Variants in DPYS observed in about 807,000 individuals in gnomAD.
The protein encoded by DPYS is dihydropyrimidine amidohydrolase.
In DPYS, 39 loss-of-function variants were observed where a neutral mutation model predicts 50.3. The observed-to-expected ratio is 0.78, with a 90% confidence interval of 0.60 to 1.01. The LOEUF is 1.01. DPYS is among the 50% of genes least tolerant of loss of function. The pLI is 0.00. For synonymous variants in DPYS, 245 were observed against 250.7 expected (o/e 0.98, Z 0.22); for missense variants, 659 against 680.9 (o/e 0.97, Z 0.36).
intron 7 of DPYS, among the ~76,000 whole-genome samples, chr8:104,402,285 C>G (rs1811844060): frequency 6.6e-6 from 1 of 152,170 alleles, no homozygotes; most frequent in Non-Finnish European, 1.5e-5. Context: ...TGGATTTCCA[C>G]TTAGCATAAA....
At chr8:104,418,921 A>G in intron 7 of DPYS, 1 of 738,902 alleles carries the variant, frequency 1.4e-6, no homozygotes. Context: ...TATAAGCTTG[A>G]CCCTCAGCCT....
chr8:104,405,006 C>T (rs867268888), intron 7 of DPYS, among the ~76,000 whole-genome samples: 37 of 151,296 alleles, frequency 2.4e-4, no homozygotes, highest in African/African-American at 8.7e-4. Context: ...AGACCTAAAA[C>T]TTGGTGTGAG....
intron 4 of DPYS, among the ~76,000 whole-genome samples, chr8:104,434,033 G>A (rs1241392923): frequency 6.6e-6 from 1 of 152,158 alleles, no homozygotes; most frequent in Non-Finnish European, 1.5e-5. Context: ...TGCCCAAGGT[G>A]GTTGGGGCAC....
At chr8:104,414,933 C>T (rs540285064) in intron 7 of DPYS, among the ~76,000 whole-genome samples, 137 of 152,338 alleles carry the variant, frequency 9.0e-4, no homozygotes, top group African/African-American at 3.2e-3. Context: ...CTCTGGAATG[C>T]ATCTTTGTCA....
In DPYS at chr8:104,424,328, A is replaced by C. The variant is rs1244046163; in HGVS notation, c.1154T>G (p.Ile385Ser). Residue 385 changes from isoleucine (I) to serine (S), a missense_variant, in exon 7 of 10, where the codon ATT (isoleucine) becomes AGT (serine). Ile to Ser is a moderately radical substitution (Grantham distance 142, BLOSUM62 -2). Coordinates refer to ENST00000351513, the MANE Select transcript of DPYS (RefSeq NM_001385.3). ...VAVTSTNAAKIFNLYPRKGRI... is the reference protein window; with the variant it reads ...VAVTSTNAAKSFNLYPRKGRI... ...TCCTTTTCTTGGATAGAGATTAAAAATTTTGGCTGCATTTGTGCTGGTAAC... is the reference window on the plus strand; with the variant it reads ...TCCTTTTCTTGGATAGAGATTAAAACTTTTGGCTGCATTTGTGCTGGTAAC... 3 of 1,614,004 alleles carry C rather than the reference A, an allele frequency of 1.9e-6. No individual in the cohort carries two copies. In the African/African-American group the frequency reaches 4.0e-5, roughly 22 times the overall value.
At chr8:104,420,718 C>T (rs371748902) in intron 7 of DPYS, 3 of 120,868 alleles carry the variant, frequency 2.5e-5, no homozygotes, top group Admixed American at 7.8e-5. Flanking sequence ...AAAAAAAAAA[C>T]GATAAAACAA....
intron 6 of DPYS, among the ~76,000 whole-genome samples, chr8:104,427,231 A>G (rs1812759114): frequency 6.6e-6 from 1 of 151,102 alleles, no homozygotes; most frequent in Non-Finnish European, 1.5e-5. Context: ...AACTGACATC[A>G]ACAAAGATTT....
intron 2 of DPYS, among the ~76,000 whole-genome samples, chr8:104,449,560 C>A (rs1038465488): frequency 3.9e-5 from 6 of 152,176 alleles, no homozygotes; most frequent in African/African-American, 1.4e-4. Context: ...ATGTTGAAGT[C>A]CTAACCCCTT....
intron 1 of DPYS, among the ~76,000 whole-genome samples, chr8:104,457,280 C>T (rs1238373386): frequency 2.0e-5 from 3 of 152,148 alleles, no homozygotes; most frequent in Non-Finnish European, 4.4e-5. Flanking sequence ...GGGCAGGGAG[C>T]GTCTATAGCA....
chr8:104,425,795 C>T (rs934404853), intron 6 of DPYS, among the ~76,000 whole-genome samples: 3 of 151,952 alleles, frequency 2.0e-5, no homozygotes, highest in Non-Finnish European at 1.5e-5. Flanking sequence ...GGGGTTTATC[C>T]CTATTTATAT....
At chr8:104,381,159 AC>A in intron 9 of DPYS, 24 bp downstream of exon 9, 1 of 1,583,744 alleles carries the variant, frequency 6.3e-7, no homozygotes, top group Non-Finnish European at 8.7e-7. Context: ...ATGCAGGAAG[AC>A]TTTTCTTGCC....
chr8:104,403,233 G>A (rs541945931), intron 7 of DPYS, among the ~76,000 whole-genome samples: 9 of 152,230 alleles, frequency 5.9e-5, no homozygotes, highest in African/African-American at 1.9e-4. Context: ...GCTCCTGATC[G>A]GGTATTCCTG....
At chr8:104,385,910 T>C (rs1811199329) in intron 8 of DPYS, among the ~76,000 whole-genome samples, 1 of 152,190 alleles carries the variant, frequency 6.6e-6, no homozygotes, top group Non-Finnish European at 1.5e-5. Context: ...TGTCAGCCAA[T>C]AAATGTCTGT....
intron 7 of DPYS, among the ~76,000 whole-genome samples, chr8:104,407,070 T>C (rs1433139531): frequency 6.6e-6 from 1 of 152,270 alleles, no homozygotes; most frequent in East Asian, 1.9e-4. Context: ...AAGTATTCCA[T>C]TGGAGCTTCC....
chr8:104,447,203 C>T (rs76239895), intron 3 of DPYS, 121 bp downstream of exon 3: 39,606 of 1,304,110 alleles, frequency 0.03, 809 homozygotes, highest in Non-Finnish European at 0.032. Context: ...ACGGAAAATC[C>T]ATTTCTGGAT....
intron 4 of DPYS, among the ~76,000 whole-genome samples, chr8:104,434,650 A>T (rs1284802155): frequency 6.6e-6 from 1 of 152,224 alleles, no homozygotes; most frequent in South Asian, 2.1e-4. Flanking sequence ...ACATTAAACA[A>T]CCACAATCTA....
chr8:104,396,055 T>C (rs1355966876), intron 7 of DPYS, among the ~76,000 whole-genome samples: 1 of 152,180 alleles, frequency 6.6e-6, no homozygotes, highest in East Asian at 1.9e-4. Flanking sequence ...GAATGAGTTA[T>C]GATGAATTAT....
intron 7 of DPYS, among the ~76,000 whole-genome samples, chr8:104,394,050 T>C (rs1811494870): frequency 6.6e-6 from 1 of 152,232 alleles, no homozygotes; most frequent in Non-Finnish European, 1.5e-5. Flanking sequence ...AGTGAGAACA[T>C]ACAATGTTTG....
chr8:104,408,382 A>G (rs1812065506), intron 7 of DPYS, among the ~76,000 whole-genome samples: 1 of 152,258 alleles, frequency 6.6e-6, no homozygotes, highest in African/African-American at 2.4e-5. Context: ...AACAAAGGGC[A>G]TGAATAGATA....
Sources: allele counts gnomAD v4.1 joint callset (sites outside exome capture counted in the v4.1 genomes callset), GRCh38; gene constraint gnomAD v4.1.1; transcripts MANE v1.5; gene names NCBI Gene and HGNC (gene_info 2026-07-23, HGNC 2026-07-21).